Variants in SCAI observed in about 807,000 individuals in gnomAD.
SCAI encodes protein SCAI.
A neutral mutation model predicts 92.2 loss-of-function variants in SCAI; 24 were observed. The observed-to-expected ratio is 0.26, with a 90% confidence interval of 0.19 to 0.37. The LOEUF (loss-of-function observed/expected upper bound fraction) is 0.37. Ranked by LOEUF, SCAI falls within the 10% of genes least tolerant of loss-of-function variation. The probability of loss-of-function intolerance (pLI) is 1.00; values close to 1 mark genes in which losing one functional copy is unlikely to be tolerated. For missense variants in SCAI, 450 were observed against 736.2 expected, an observed-to-expected ratio of 0.61 and a Z score of 4.50; for synonymous variants, 261 against 258.6, an observed-to-expected ratio of 1.01 and a Z score of -0.09.
chr9:124,947,677 T>C lies in SCAI; in HGVS notation c.*5130A>G, dbSNP rs939110674. The C allele has an allele frequency of 2.6e-5, 4 of 152,218 alleles. No homozygotes were observed. The highest frequency in any genetic ancestry group is 9.6e-5 in the African/African-American group (4 of 41,456). 9.4% of individuals were successfully genotyped at this position (152,218 alleles called of 1,614,324 possible). A position where few individuals can be genotyped will look rare whatever the true frequency, so the allele number is the denominator to read the frequency against. ...ACAAAAAGTATACACAGAGATTGCA[T>C]GTAGCATCACAAAAATATACATATG... is the stretch of plus-strand genomic sequence containing the variant. On this transcript the variant is annotated 3_prime_UTR_variant, in exon 18 of 18. Transcript: ENST00000336505.
Position 124,950,235 on chromosome 9 carries a change from TCAATA to T in SCAI, c.*2567_*2571del, listed in dbSNP as rs1350613101. ...TCTCTTGGTGGTTGGAGTGGGGAAA[TCAATA>T]TTTTTGGAACCAAGAGTCCAAATTA... On this transcript the variant is annotated 3_prime_UTR_variant, in exon 18 of 18. Coordinates refer to ENST00000336505, the MANE Select transcript of SCAI (RefSeq NM_001144877.3). 1 of 151,762 alleles carries T rather than the reference TCAATA, an allele frequency of 6.6e-6. No homozygotes were observed. The highest frequency in any genetic ancestry group is 2.4e-5 in the African/African-American group (1 of 41,264). The allele number at this position is 151,762 out of a possible 1,614,324, so 9.4% of individuals were successfully genotyped here.
chr9:125,059,582 C>A (rs1053794566), intron 2 of SCAI, among the ~76,000 whole-genome samples: 37 of 152,140 alleles, frequency 2.4e-4, no homozygotes, highest in Admixed American at 2.4e-3. Flanking sequence ...GTTGAACATG[C>A]ACTGAAACCA....
chr9:125,087,339 G>C (rs1259887773), intron 2 of SCAI, among the ~76,000 whole-genome samples: 1 of 152,190 alleles, frequency 6.6e-6, no homozygotes, highest in African/African-American at 2.4e-5. Flanking sequence ...ACATGCTAAT[G>C]GTTATCAGGC....
In SCAI at chr9:125,104,483, G is replaced by A. The variant is rs186099589; in HGVS notation, c.98+38150C>T. On this transcript the variant is annotated intron_variant, in intron 2 of 17. Transcript: ENST00000336505. ...TTCACAACCTCCCTAAGAGATTTCA[G>A]TCTAATTCTGTCTGTCAGATAATCT... Among the ~76,000 whole-genome samples the A allele has an allele frequency of 1.5e-3, 230 of 151,746 alleles. 2 individuals carry two copies. In the Middle Eastern group the frequency reaches 0.02, roughly 13 times the overall value.
intron 9 of SCAI, among the ~76,000 whole-genome samples, chr9:125,015,102 C>A (rs1197015130): frequency 1.3e-5 from 2 of 152,090 alleles, no homozygotes; most frequent in African/African-American, 4.8e-5. Context: ...TAGGCATTAC[C>A]ATTCAGTACG....
chr9:125,138,791 T>C (rs1445335726), intron 2 of SCAI, among the ~76,000 whole-genome samples: 1 of 152,094 alleles, frequency 6.6e-6, no homozygotes, highest in Non-Finnish European at 1.5e-5. Context: ...TCAGGTGATC[T>C]GCCCACCTTG....
At chr9:125,038,051 T>A (rs2131102947) in intron 3 of SCAI, among the ~76,000 whole-genome samples, 1 of 151,808 alleles carries the variant, frequency 6.6e-6, no homozygotes, top group African/African-American at 2.4e-5. Flanking sequence ...GAGCCCGGAG[T>A]TCGAGACCAG....
chr9:124,978,454 T>C (rs537345871), intron 14 of SCAI, among the ~76,000 whole-genome samples: 1 of 152,296 alleles, frequency 6.6e-6, no homozygotes, highest in African/African-American at 2.4e-5. Context: ...ATTCCATTTT[T>C]ACCCTATCAG....
At chr9:125,125,358 G>A (rs1043654236) in intron 2 of SCAI, among the ~76,000 whole-genome samples, 2 of 152,066 alleles carry the variant, frequency 1.3e-5, no homozygotes, top group South Asian at 2.1e-4. Context: ...GTGAAACCCT[G>A]TCTCTACTAA....
chr9:125,107,148 C>T (rs191669917), intron 2 of SCAI, among the ~76,000 whole-genome samples: 8 of 152,046 alleles, frequency 5.3e-5, no homozygotes, highest in Non-Finnish European at 8.8e-5. Flanking sequence ...CAGTGACTCA[C>T]GCCTGTAATC....
intron 2 of SCAI, among the ~76,000 whole-genome samples, chr9:125,068,568 A>T (rs1833916120): frequency 2.6e-5 from 4 of 152,188 alleles, no homozygotes; most frequent in Admixed American, 2.6e-4. Context: ...TATGCCTCTA[A>T]TCCCAGCACT....
rs747913484 is a variant in SCAI, at chr9:125,000,000, CA to C, written c.1145-11del. ...CCAAAATCATAAGGACCTATAAAAACAAAGGGAAGAATCCTAGACTTCAGTT... is the reference window on the plus strand; with the variant it reads ...CCAAAATCATAAGGACCTATAAAAACAAGGGAAGAATCCTAGACTTCAGTT... On this transcript the variant is annotated splice_polypyrimidine_tract_variant and intron_variant, in intron 12 of 17. Coordinates refer to ENST00000336505, the MANE Select transcript of SCAI (RefSeq NM_001144877.3). 113 of 1,369,726 alleles carry C rather than the reference CA, an allele frequency of 8.2e-5. No homozygotes were observed. The African/African-American group carries it at 1.6e-3, about 19-fold the overall frequency. 84.8% of individuals were successfully genotyped at this position (1,369,726 alleles called of 1,614,324 possible).
At chr9:125,015,924 G>A (rs367852165) in intron 9 of SCAI, among the ~76,000 whole-genome samples, 14 of 149,938 alleles carry the variant, frequency 9.3e-5, no homozygotes, top group Non-Finnish European at 1.6e-4. Flanking sequence ...GTAAACTATC[G>A]CAAGAACAAA....
intron 2 of SCAI, among the ~76,000 whole-genome samples, chr9:125,059,448 T>A (rs1361679412): frequency 6.6e-6 from 1 of 152,150 alleles, no homozygotes; most frequent in Non-Finnish European, 1.5e-5. Flanking sequence ...TCAATGTTAA[T>A]AAGAAAAATG....
intron 2 of SCAI, among the ~76,000 whole-genome samples, chr9:125,089,564 A>C (rs537341022): frequency 2.0e-5 from 3 of 152,354 alleles, no homozygotes; most frequent in African/African-American, 7.2e-5. Flanking sequence ...GAAAGGCAGA[A>C]TCTTAGGCCC....
chr9:124,976,059 TATAG>T (rs1259569565), intron 15 of SCAI, 51 bp downstream of exon 15: 1 of 1,077,926 alleles, frequency 9.3e-7, no homozygotes, highest in Non-Finnish European at 1.4e-6. Flanking sequence ...CTATTCATAA[TATAG>T]ATAGTGTTTA....
chr9:125,072,438 A>T (rs531269831), intron 2 of SCAI, among the ~76,000 whole-genome samples: 1 of 152,362 alleles, frequency 6.6e-6, no homozygotes, highest in East Asian at 1.9e-4. Context: ...TAATAAACTG[A>T]GTATAAATGA....
rs1195658966 is a variant in SCAI at position 124,984,388 on chromosome 9, A to G, written c.1327-8202T>C. The stretch of plus-strand genomic sequence containing the variant: ...GTGATTTTGAGTAGAAAGGTGGCAT[A>G]TCTGTCTTATAGGCACACTTACAGG... On this transcript the variant is annotated intron_variant, in intron 14 of 17. Transcript: ENST00000336505. Among the ~76,000 whole-genome samples, 3 of 152,230 alleles carry G rather than the reference A, an allele frequency of 2.0e-5. No homozygotes were observed. The East Asian group carries it at 5.8e-4, about 29-fold the overall frequency.
At chr9:125,092,336 C>T (rs1834448482) in intron 2 of SCAI, among the ~76,000 whole-genome samples, 1 of 151,600 alleles carries the variant, frequency 6.6e-6, no homozygotes. Flanking sequence ...AGGCATGGTG[C>T]CAGTTACTTG....
Sources: gnomAD v4.1 joint callset for allele counts (sites outside exome capture counted in the v4.1 genomes callset) on GRCh38, gnomAD v4.1.1 for gene constraint, MANE v1.5 for transcripts, NCBI Gene and HGNC (gene_info 2026-07-23, HGNC 2026-07-21) for gene names.